ATG2B: variants seen among roughly 807,000 people sequenced by gnomAD.
ATG2B encodes autophagy related 2B.
A neutral mutation model predicts 241.3 loss-of-function variants in ATG2B; 121 were observed. The observed-to-expected ratio is 0.50, with a 90% CI of 0.43 to 0.58. ATG2B has a LOEUF of 0.58. ATG2B is among the 20% of genes least tolerant of loss of function. The pLI, the probability that ATG2B is intolerant of heterozygous loss-of-function variation, is 0.00. For missense variants in ATG2B, 2,306 were observed against 2,491.6 expected, an observed-to-expected ratio of 0.93 and a Z score of 1.59; for synonymous variants, 858 against 876.6, an observed-to-expected ratio of 0.98 and a Z score of 0.37.
chr14:96,331,050 G>A (rs866898594), intron 11 of ATG2B, among the ~76,000 whole-genome samples: 3 of 152,270 alleles, frequency 2.0e-5, no homozygotes, highest in Middle Eastern at 3.4e-3. Context: ...CTGTTTTCAC[G>A]ACTGCAGTGG....
chr14:96,297,629 C>T (rs1886681071), intron 34 of ATG2B, among the ~76,000 whole-genome samples: 1 of 152,100 alleles, frequency 6.6e-6, no homozygotes, highest in Non-Finnish European at 1.5e-5. Context: ...GAACCCCTGA[C>T]CTCGTGATCC....
At chr14:96,310,346 C>A (rs549763519) in intron 28 of ATG2B, among the ~76,000 whole-genome samples, 1 of 152,120 alleles carries the variant, frequency 6.6e-6, no homozygotes, top group East Asian at 1.9e-4. Flanking sequence ...ACAACAAACA[C>A]GATGCCAGTC....
intron 5 of ATG2B, among the ~76,000 whole-genome samples, chr14:96,342,191 G>GT (rs1313576554): frequency 1.4e-5 from 2 of 147,636 alleles, no homozygotes; most frequent in South Asian, 2.2e-4. Context: ...TGTTTTGATT[G>GT]TAAAAAAAAA....
At chr14:96,352,935 G>C (rs1888369764) in intron 1 of ATG2B, among the ~76,000 whole-genome samples, 1 of 152,152 alleles carries the variant, frequency 6.6e-6, no homozygotes, top group African/African-American at 2.4e-5. Flanking sequence ...CTCACTCAGA[G>C]GAATTTCTAG....
At chr14:96,345,167 A>C in intron 3 of ATG2B, 66 bp downstream of exon 3, 1 of 1,299,878 alleles carries the variant, frequency 7.7e-7, no homozygotes, top group Non-Finnish European at 1.1e-6. Context: ...TACAAAGCTT[A>C]TTACATGAAG....
chr14:96,287,116 G>A (rs772133780), intron 41 of ATG2B, among the ~76,000 whole-genome samples: 1 of 151,878 alleles, frequency 6.6e-6, no homozygotes, highest in Non-Finnish European at 1.5e-5. Flanking sequence ...CTAGCCGGGC[G>A]TGGTGGCAGG....
At chr14:96,340,103 AATATATGATATATATGAATATATATATC>A (rs11271304) in intron 6 of ATG2B, among the ~76,000 whole-genome samples, 77,265 of 105,202 alleles carry the variant, frequency 0.73, 28,198 homozygotes, top group Middle Eastern at 0.84. Flanking sequence ...TGCTATATAG[AATATATGATATATATGAATATATATATC>A]ATATATGATA....
intron 4 of ATG2B, among the ~76,000 whole-genome samples, chr14:96,344,399 CTGATAT>C (rs1358957851): frequency 1.3e-5 from 2 of 152,136 alleles, no homozygotes; most frequent in African/African-American, 4.8e-5. Context: ...TTATTCTGAT[CTGATAT>C]TAACTAAAAC....
intron 41 of ATG2B, among the ~76,000 whole-genome samples, chr14:96,288,253 T>G: frequency 6.6e-6 from 1 of 152,200 alleles, no homozygotes; most frequent in East Asian, 1.9e-4. Context: ...ATCTGTAAAT[T>G]AGAAATATCG....
intron 1 of ATG2B, among the ~76,000 whole-genome samples, chr14:96,350,328 A>G (rs894200848): frequency 6.6e-6 from 1 of 152,220 alleles, no homozygotes; most frequent in Non-Finnish European, 1.5e-5. Context: ...ACTAGAAAAA[A>G]GCAAACAGAG....
At chr14:96,319,385 T>TG (rs1301587115) in intron 18 of ATG2B, among the ~76,000 whole-genome samples, 1 of 152,188 alleles carries the variant, frequency 6.6e-6, no homozygotes. Flanking sequence ...TGAAACAAAA[T>TG]AGATGCTCAG....
At chr14:96,342,039 G>T (rs1439275790) in intron 5 of ATG2B, among the ~76,000 whole-genome samples, 1 of 152,136 alleles carries the variant, frequency 6.6e-6, no homozygotes, top group Non-Finnish European at 1.5e-5. Context: ...TACAGTGACT[G>T]ACTTATAAAA....
chr14:96,345,279 G>T lies in ATG2B; in HGVS notation c.432C>A (p.Ser144=), dbSNP rs771190105. Reference sequence around the variant, plus strand: ...ACTTTTCAAGTCCTTCAAAAGGCTGGGATCCTTCTCCTTGTTCATCTGTTA... The same window carrying T: ...ACTTTTCAAGTCCTTCAAAAGGCTGTGATCCTTCTCCTTGTTCATCTGTTA... ...QKLTDEQGEG[S]QPFEGLEKFA... is the part of the protein sequence containing the mutation. Residue 144 remains serine (S), a synonymous_variant, in exon 3 of 42, where the codon TCC becomes TCA. Coordinates refer to ENST00000359933, the MANE Select transcript of ATG2B (RefSeq NM_018036.7). 1 of 1,613,084 alleles carries T rather than the reference G, an allele frequency of 6.2e-7. No individual in the cohort carries two copies. The highest frequency in any genetic ancestry group is 8.5e-7 in the Non-Finnish European group (1 of 1,179,550).
intron 22 of ATG2B, 40 bp downstream of exon 22, chr14:96,315,344 G>C (rs772854581): frequency 6.3e-7 from 1 of 1,595,998 alleles, no homozygotes; most frequent in East Asian, 2.2e-5. Context: ...TTTTTAGCTA[G>C]AATCAAATCA....
At chr14:96,317,655 TA>T (rs1480540009) in intron 19 of ATG2B, 42 bp downstream of exon 19, 1 of 1,466,782 alleles carries the variant, frequency 6.8e-7, no homozygotes, top group Non-Finnish European at 9.3e-7. Flanking sequence ...TGTTAATTGA[TA>T]AACTAGGCAT....
At chr14:96,316,996 T>C (rs1887331271) in intron 20 of ATG2B, 149 bp downstream of exon 20, 4 of 764,592 alleles carry the variant, frequency 5.2e-6, no homozygotes, top group Non-Finnish European at 4.1e-6. Context: ...AAAGTTGCTA[T>C]CATCATGGTT....
Position 96,289,721 on chromosome 14 carries a change from G to C in ATG2B, c.5941C>G (p.Arg1981Gly), listed in dbSNP as rs144991946. Residue 1981 changes from arginine to glycine, a missense_variant, in exon 41 of 42, where the codon CGG (arginine) becomes GGG (glycine). Transcript: ENST00000359933. The surrounding 1 kb of genome is among the most constrained non-coding windows in gnomAD (Gnocchi z 4.3). ...PKKTKRFPHH[R>G]LAHQPVDLRE... The stretch of plus-strand genomic sequence containing the variant: ...AGGTCTACTGGCTGGTGGGCTAACC[G>C]GTGATGAGGAAACCTTTTGGTCTTC... 2.4e-3 allele frequency: 3,865 copies of C among 1,614,172 alleles called. 11 individuals carry two copies. Among genetic ancestry groups the C allele is most frequent in the South Asian group, 3.2e-3 (290 of 91,080 alleles).
chr14:96,285,231 T>G lies in ATG2B; in HGVS notation c.*524A>C, dbSNP rs1040331389. ...CCCACAGAAGGATTTTCGGAGTAAA[T>G]GGAAATAATGTTGTTCTCAAGTGCA... is the stretch of plus-strand genomic sequence containing the variant. On this transcript the variant is annotated 3_prime_UTR_variant, in exon 42 of 42. Transcript: ENST00000359933. The surrounding 1 kb of genome is among the most constrained non-coding windows in gnomAD (Gnocchi z 4.2). The G allele has an allele frequency of 1.9e-5, 3 of 154,276 alleles. No individual in the cohort carries two copies. The highest frequency in any genetic ancestry group is 2.9e-5 in the Non-Finnish European group (2 of 69,334). 9.6% of individuals were successfully genotyped at this position (154,276 alleles called of 1,614,324 possible).
At position 96,302,950 on chromosome 14, in the gene ATG2B, A is replaced by C; in HGVS notation, c.5037+111T>G. On this transcript the variant is annotated intron_variant, in intron 33 of 41. Transcript: ENST00000359933. ...CATTCAAAAGGGACTTTTCACATTA[A>C]AATGAGAAAAGATATCTAGTAATTT... 3.6e-6 allele frequency: 3 copies of C among 831,408 alleles called. No homozygotes were observed. The South Asian group carries it at 9.2e-5, about 26-fold the overall frequency. The allele number at this position is 831,408 out of a possible 1,614,324, so 51.5% of individuals were successfully genotyped here.
Sources: allele counts gnomAD v4.1 joint callset (sites outside exome capture counted in the v4.1 genomes callset), GRCh38; gene constraint gnomAD v4.1.1; non-coding constraint Gnocchi (gnomAD v3.1); transcripts MANE v1.5; gene names NCBI Gene and HGNC (gene_info 2026-07-23, HGNC 2026-07-21).